Variants in PLXNA2 observed in about 807,000 individuals in gnomAD.
PLXNA2 encodes plexin-A2.
In PLXNA2, 91 loss-of-function variants were observed where a neutral mutation model predicts 193.5. That is an observed-to-expected ratio of 0.47 (90% confidence interval 0.40 to 0.56). The LOEUF (loss-of-function observed/expected upper bound fraction) is 0.56. PLXNA2 is among the 20% of genes least tolerant of loss of function. The pLI is 0.00. For synonymous variants in PLXNA2, 997 were observed against 1,027.3 expected (o/e 0.97, Z 0.56); for missense variants, 1,995 against 2,503.2 (o/e 0.80, Z 4.33).
intron 5 of PLXNA2, among the ~76,000 whole-genome samples, chr1:208,100,842 G>A (rs983292069): frequency 1.3e-5 from 2 of 152,156 alleles, no homozygotes; most frequent in Non-Finnish European, 2.9e-5. Flanking sequence ...GGTGACACCA[G>A]CACTCGGGAG....
At chr1:208,062,919 A>G (rs1465905010) in intron 12 of PLXNA2, among the ~76,000 whole-genome samples, 2 of 152,218 alleles carry the variant, frequency 1.3e-5, no homozygotes, top group African/African-American at 4.8e-5. Context: ...GGCTCTGGGA[A>G]AAGAACCCTT....
Position 208,044,952 on chromosome 1 carries a change from G to A in PLXNA2, c.3639+115C>T, listed in dbSNP as rs906528306. On this transcript the variant is annotated intron_variant, in intron 19 of 31. Coordinates refer to ENST00000367033, the MANE Select transcript of PLXNA2 (RefSeq NM_025179.4). This position sits in a 1 kb window ranked among gnomAD's most constrained non-coding sequence, Gnocchi z 4.9. ...AATTTGATGTAGGACCCAGAGATGA[G>A]GAGATATGGAGGGGGTGAGTCAGGC... The A allele has an allele frequency of 1.6e-5, 20 of 1,256,764 alleles. No individual in the cohort carries two copies. The highest frequency in any genetic ancestry group is 2.2e-5 in the Non-Finnish European group (19 of 873,492). The allele number at this position is 1,256,764 out of a possible 1,614,324, so 77.9% of individuals were successfully genotyped here. A position where few individuals can be genotyped will look rare whatever the true frequency, so the allele number is the denominator to read the frequency against.
intron 2 of PLXNA2, among the ~76,000 whole-genome samples, chr1:208,212,025 G>T (rs1271343040): frequency 6.6e-6 from 1 of 152,192 alleles, no homozygotes. Context: ...TGTGGCAAAG[G>T]CTGCAGGCTC....
chr1:208,088,845 G>A (rs1666620721), intron 9 of PLXNA2, among the ~76,000 whole-genome samples: 1 of 152,220 alleles, frequency 6.6e-6, no homozygotes, highest in East Asian at 1.9e-4. Flanking sequence ...TGGTGTGTGT[G>A]CGTGTGAGTG....
At chr1:208,226,694 A>G (rs557990869) in intron 1 of PLXNA2, among the ~76,000 whole-genome samples, 75 of 152,318 alleles carry the variant, frequency 4.9e-4, no homozygotes, top group African/African-American at 1.7e-3. Context: ...TTTATTATCT[A>G]AAGGTCGCCA....
intron 1 of PLXNA2, among the ~76,000 whole-genome samples, chr1:208,228,700 T>C (rs57124003): frequency 0.015 from 2,208 of 152,274 alleles, 66 homozygotes; most frequent in African/African-American, 0.05. Context: ...TGTCTTTCTC[T>C]AACCTCACTG....
In PLXNA2 at chr1:208,027,273, C is replaced by A. The variant is rs1272317404; in HGVS notation, c.5655G>T (p.Gln1885His). Reference sequence around the variant, plus strand: ...TCTCAATGGACATGGCATTAATGAGCTGCTCCACCTTATAAGCCAGCCGCT... The same window carrying A: ...TCTCAATGGACATGGCATTAATGAGATGCTCCACCTTATAAGCCAGCCGCT... ...RRQRLAYKVE[Q>H]LINAMSIES Residue 1885 changes from glutamine to histidine, a missense_variant, in exon 32 of 32, where the codon CAG becomes CAT. Gln to His is a conservative substitution (Grantham distance 24). This residue lies in a region of PLXNA2 where 1,291 missense variants were observed against 1,673.6 expected (regional missense o/e 0.77). Coordinates refer to ENST00000367033, the MANE Select transcript of PLXNA2 (RefSeq NM_025179.4). 1 of 1,613,762 alleles carries A rather than the reference C, an allele frequency of 6.2e-7. No homozygotes were observed. Among genetic ancestry groups the A allele is most frequent in the Non-Finnish European group, 8.5e-7 (1 of 1,179,972 alleles).
At chr1:208,069,382 T>G (rs997369830) in intron 12 of PLXNA2, among the ~76,000 whole-genome samples, 7 of 152,308 alleles carry the variant, frequency 4.6e-5, no homozygotes, top group Non-Finnish European at 1.0e-4. Context: ...CCTGTCATGT[T>G]TGTTTTCCTC....
At chr1:208,135,656 T>C (rs1349819515) in intron 4 of PLXNA2, among the ~76,000 whole-genome samples, 1 of 152,204 alleles carries the variant, frequency 6.6e-6, no homozygotes, top group Non-Finnish European at 1.5e-5. Context: ...TGACTCCAGC[T>C]GGGCGTTGGG....
intron 2 of PLXNA2, among the ~76,000 whole-genome samples, chr1:208,211,057 A>G (rs1407936404): frequency 6.6e-6 from 1 of 152,230 alleles, no homozygotes. Flanking sequence ...AGAGATCAGA[A>G]GTGTCATAAT....
chr1:208,034,268 G>A (rs1664601278), intron 27 of PLXNA2, among the ~76,000 whole-genome samples: 2 of 152,200 alleles, frequency 1.3e-5, no homozygotes, highest in African/African-American at 4.8e-5. Flanking sequence ...TACCAGGCTG[G>A]GATATCAAAC....
intron 12 of PLXNA2, among the ~76,000 whole-genome samples, chr1:208,062,605 A>C (rs1222582077): frequency 5.3e-5 from 8 of 152,144 alleles, no homozygotes; most frequent in African/African-American, 1.9e-4. Flanking sequence ...ATTTTATCCA[A>C]GTCACCTTGT....
At chr1:208,202,271 T>C (rs747879658) in intron 3 of PLXNA2, among the ~76,000 whole-genome samples, 5 of 152,194 alleles carry the variant, frequency 3.3e-5, no homozygotes, top group Non-Finnish European at 7.4e-5. Context: ...TGAGCCACCA[T>C]ACCTGGCCAG....
In PLXNA2 at chr1:208,044,977, C is replaced by A; in HGVS notation, c.3639+90G>T. The A allele has an allele frequency of 6.7e-7, 1 of 1,485,584 alleles. No individual in the cohort carries two copies. Among genetic ancestry groups the A allele is most frequent in the South Asian group, 1.2e-5 (1 of 84,296 alleles). 92.0% of individuals were successfully genotyped at this position (1,485,584 alleles called of 1,614,324 possible). A position where few individuals can be genotyped will look rare whatever the true frequency, so the allele number is the denominator to read the frequency against. On this transcript the variant is annotated intron_variant, in intron 19 of 31. Transcript: ENST00000367033. The surrounding 1 kb of genome is among the most constrained non-coding windows in gnomAD (Gnocchi z 4.9). ...GGAGATATGGAGGGGGTGAGTCAGG[C>A]AACGAGACAGAAGAGAGCCTTTCCT...
rs575782976 is a variant in PLXNA2, at chr1:208,058,390, G to C, written c.2738+2296C>G. The stretch of plus-strand genomic sequence containing the variant: ...ACCTAATTGCTGAGTGATAGATGGC[G>C]CAGCACAAGCATATGGTGAATCATT... On this transcript the variant is annotated intron_variant, in intron 13 of 31. Coordinates refer to ENST00000367033, the MANE Select transcript of PLXNA2 (RefSeq NM_025179.4). 9.9e-5 allele frequency among the ~76,000 whole-genome samples: 15 copies of C among 152,212 alleles called. 1 individual carries two copies. The highest frequency in any genetic ancestry group is 3.6e-4 in the African/African-American group (15 of 41,452).
rs76191691 is a variant in PLXNA2 at position 208,025,280 on chromosome 1, C to T, written c.*1963G>A. On this transcript the variant is annotated 3_prime_UTR_variant, in exon 32 of 32. Transcript: ENST00000367033. ...GCCAAGGATGGAAGCCAGACCTCTGCGCTCCCCTCCCCCAGCCCTCTCCTG... is the reference window on the plus strand; with the variant it reads ...GCCAAGGATGGAAGCCAGACCTCTGTGCTCCCCTCCCCCAGCCCTCTCCTG... 2,819 of 152,636 alleles carry T rather than the reference C, an allele frequency of 0.018. 50 individuals carry two copies. The highest frequency in any genetic ancestry group is 0.058 in the Middle Eastern group (17 of 294). 9.5% of individuals were successfully genotyped at this position (152,636 alleles called of 1,614,324 possible).
chr1:208,028,092 G>T lies in PLXNA2; in HGVS notation c.5506C>A (p.Gln1836Lys), dbSNP rs1464836334. The part of the protein sequence containing the change: ...DQDMNAYLAE[Q>K]SRLHAVEFNM... ...AACTCCACGGCGTGCAGGCGGGACT[G>T]CTCGGCGAGGTAGGCATTCATGTCC... Residue 1836 changes from glutamine to lysine, a missense_variant, in exon 31 of 32, where the codon CAG (glutamine) becomes AAG (lysine). This residue lies in a region of PLXNA2 where 1,291 missense variants were observed against 1,673.6 expected (regional missense o/e 0.77). Coordinates refer to ENST00000367033, the MANE Select transcript of PLXNA2 (RefSeq NM_025179.4). The surrounding 1 kb of genome is among the most constrained non-coding windows in gnomAD (Gnocchi z 4.2). The T allele has an allele frequency of 1.2e-6, 2 of 1,613,390 alleles. No homozygotes were observed. Among genetic ancestry groups the T allele is most frequent in the Non-Finnish European group, 1.7e-6 (2 of 1,179,642 alleles).
At chr1:208,080,179 T>G (rs1205018859) in intron 11 of PLXNA2, among the ~76,000 whole-genome samples, 1 of 152,006 alleles carries the variant, frequency 6.6e-6, no homozygotes, top group Non-Finnish European at 1.5e-5. Flanking sequence ...AAAGGCCAGG[T>G]GGCTAGCAGT....
chr1:208,169,460 C>A (rs1032304047), intron 3 of PLXNA2, among the ~76,000 whole-genome samples: 1 of 152,226 alleles, frequency 6.6e-6, no homozygotes, highest in South Asian at 2.1e-4. Context: ...TGGGACCTAG[C>A]CCCAGGGCAA....
Sources: allele counts gnomAD v4.1 joint callset (sites outside exome capture counted in the v4.1 genomes callset), GRCh38; gene constraint gnomAD v4.1.1; regional missense constraint gnomAD v4.1.1; non-coding constraint Gnocchi (gnomAD v3.1); transcripts MANE v1.5; gene names NCBI Gene and HGNC (gene_info 2026-07-23, HGNC 2026-07-21).